The following AGBL4 variants were observed in gnomAD, a reference collection of about 807,000 sequenced individuals.
AGBL4 encodes the protein AGBL carboxypeptidase 4, also known as cytosolic carboxypeptidase 6.
A neutral mutation model predicts 66.4 loss-of-function variants in AGBL4; 58 were observed. The observed-to-expected ratio is 0.87, with a 90% confidence interval of 0.71 to 1.09. The LOEUF (loss-of-function observed/expected upper bound fraction) is 1.09, where lower values mean the gene tolerates loss of function less well. Among genes scored for constraint, AGBL4 ranks in the 50% least tolerant of loss-of-function variants. The pLI is 0.00. For synonymous variants in AGBL4, 234 were observed against 222.9 expected (o/e 1.05, Z -0.44); for missense variants, 579 against 631.0 (o/e 0.92, Z 0.88).
chr1:49,288,245 G>A (rs1033760329), intron 3 of AGBL4, among the ~76,000 whole-genome samples: 14 of 147,404 alleles, frequency 9.5e-5, no homozygotes, highest in Non-Finnish European at 1.2e-4. Flanking sequence ...GGATAGCATT[G>A]GGAGATATAC....
At chr1:48,969,948 TATTA>T (rs1658772330) in intron 5 of AGBL4, among the ~76,000 whole-genome samples, 1 of 152,214 alleles carries the variant, frequency 6.6e-6, no homozygotes, top group African/African-American at 2.4e-5. Flanking sequence ...ATATTACTTG[TATTA>T]ATTTAATCTT....
intron 2 of AGBL4, among the ~76,000 whole-genome samples, chr1:49,741,266 T>A (rs952681640): frequency 1.3e-5 from 2 of 152,134 alleles, no homozygotes; most frequent in Non-Finnish European, 2.9e-5. Context: ...GAGAATACTA[T>A]AAACACCTCT....
At chr1:49,055,593 T>C (rs977190321) in intron 4 of AGBL4, among the ~76,000 whole-genome samples, 2 of 152,008 alleles carry the variant, frequency 1.3e-5, no homozygotes, top group Non-Finnish European at 2.9e-5. Context: ...GAACTAAAAA[T>C]CATGAGAACA....
intron 4 of AGBL4, among the ~76,000 whole-genome samples, chr1:49,215,225 C>A (rs1215785435): frequency 6.6e-6 from 1 of 152,046 alleles, no homozygotes; most frequent in African/African-American, 2.4e-5. Context: ...GCCTTGTTTG[C>A]ATGATTGATC....
At chr1:48,871,014 T>C (rs1301324502) in intron 5 of AGBL4, among the ~76,000 whole-genome samples, 1 of 152,214 alleles carries the variant, frequency 6.6e-6, no homozygotes, top group Non-Finnish European at 1.5e-5. Context: ...AAAATTTTCC[T>C]TACTAGTCTA....
intron 6 of AGBL4, among the ~76,000 whole-genome samples, chr1:48,800,934 T>G (rs542632507): frequency 6.6e-6 from 1 of 151,828 alleles, no homozygotes; most frequent in African/African-American, 2.4e-5. Flanking sequence ...AAACATCAGG[T>G]TGGGGTAGGG....
At chr1:48,807,568 G>C (rs531572091) in intron 6 of AGBL4, among the ~76,000 whole-genome samples, 56 of 152,312 alleles carry the variant, frequency 3.7e-4, no homozygotes, top group African/African-American at 1.3e-3. Context: ...TCCATCCCCA[G>C]TCTGCTTTGG....
intron 5 of AGBL4, among the ~76,000 whole-genome samples, chr1:48,943,683 T>A (rs1656206942): frequency 6.6e-6 from 1 of 152,158 alleles, no homozygotes. Flanking sequence ...AAACAGCTGA[T>A]ACAAGTAGGC....
intron 9 of AGBL4, among the ~76,000 whole-genome samples, chr1:48,624,047 A>G (rs945294079): frequency 7.9e-5 from 12 of 152,312 alleles, no homozygotes; most frequent in African/African-American, 2.9e-4. Context: ...AATTGAATAG[A>G]TATCAGCAGC....
intron 3 of AGBL4, among the ~76,000 whole-genome samples, chr1:49,552,759 A>C (rs1447510958): frequency 6.6e-6 from 1 of 152,120 alleles, no homozygotes. Flanking sequence ...TATGATTCAC[A>C]ATGCAAGGCC....
intron 4 of AGBL4, among the ~76,000 whole-genome samples, chr1:49,117,703 G>A (rs1645557369): frequency 1.3e-5 from 2 of 152,144 alleles, no homozygotes; most frequent in Admixed American, 1.3e-4. Flanking sequence ...GGCAATATGG[G>A]CTCTTTTTTG....
At chr1:49,878,727 G>C (rs1051924766) in intron 1 of AGBL4, among the ~76,000 whole-genome samples, 6 of 150,588 alleles carry the variant, frequency 4.0e-5, no homozygotes, top group Non-Finnish European at 5.9e-5. Flanking sequence ...TTGACTTTCT[G>C]TCTCGTTGAT....
intron 3 of AGBL4, among the ~76,000 whole-genome samples, chr1:49,632,931 A>G (rs6588354): frequency 0.68 from 103,554 of 151,658 alleles, 36,074 homozygotes; most frequent in African/African-American, 0.77. Flanking sequence ...AAAATTAGCC[A>G]GGCATGGTGG....
intron 6 of AGBL4, among the ~76,000 whole-genome samples, chr1:48,861,025 G>A (rs1011387233): frequency 7.9e-5 from 12 of 151,994 alleles, no homozygotes; most frequent in Non-Finnish European, 1.8e-4. Flanking sequence ...AACTGAACAA[G>A]AAATTATGAA....
At chr1:48,991,205 C>T (rs1329794854) in intron 5 of AGBL4, among the ~76,000 whole-genome samples, 2 of 152,150 alleles carry the variant, frequency 1.3e-5, no homozygotes, top group African/African-American at 4.8e-5. Flanking sequence ...AGTATTTCTA[C>T]TTCACGTTTG....
chr1:48,798,490 C>T (rs1645740304), intron 6 of AGBL4, among the ~76,000 whole-genome samples: 2 of 152,168 alleles, frequency 1.3e-5, no homozygotes, highest in South Asian at 4.2e-4. Context: ...AATTACATCC[C>T]ATCCATTTAT....
intron 3 of AGBL4, among the ~76,000 whole-genome samples, chr1:49,357,924 T>G (rs935361462): frequency 2.6e-5 from 4 of 152,092 alleles, no homozygotes; most frequent in Admixed American, 1.3e-4. Flanking sequence ...TTGTCTGAAT[T>G]CTAAACATCC....
At chr1:49,738,004 G>T (rs1021286168) in intron 2 of AGBL4, among the ~76,000 whole-genome samples, 11 of 152,218 alleles carry the variant, frequency 7.2e-5, no homozygotes, top group African/African-American at 2.7e-4. Context: ...CCGAGCGTGA[G>T]CATTTCCAAC....
intron 2 of AGBL4, among the ~76,000 whole-genome samples, chr1:49,767,281 A>AT (rs1270227382): frequency 2.6e-5 from 4 of 152,118 alleles, no homozygotes; most frequent in Non-Finnish European, 5.9e-5. Flanking sequence ...GTGGAATAAA[A>AT]ATAGAAATCA....
Sources: allele counts gnomAD v4.1 joint callset (sites outside exome capture counted in the v4.1 genomes callset), GRCh38; gene constraint gnomAD v4.1.1; transcripts MANE v1.5; gene names NCBI Gene and HGNC (gene_info 2026-07-23, HGNC 2026-07-21).